CLASP1: variants seen among roughly 807,000 people sequenced by gnomAD.
The protein encoded by CLASP1 is cytoplasmic linker associated protein 1.
A neutral mutation model predicts 192.3 loss-of-function variants in CLASP1; 38 were observed. That is an observed-to-expected ratio of 0.20 (90% confidence interval 0.15 to 0.26). The LOEUF (loss-of-function observed/expected upper bound fraction) is 0.26, where lower values mean the gene tolerates loss of function less well. Among genes scored for constraint, CLASP1 ranks in the 10% least tolerant of loss-of-function variants. The pLI, the probability that CLASP1 is intolerant of heterozygous loss-of-function variation, is 1.00. For synonymous variants in CLASP1, 691 were observed against 712.8 expected, an observed-to-expected ratio of 0.97 and a Z score of 0.49; for missense variants, 1,433 against 1,932.5, an observed-to-expected ratio of 0.74 and a Z score of 4.85.
intron 30 of CLASP1, among the ~76,000 whole-genome samples, chr2:121,391,146 T>C (rs1190372963): frequency 6.6e-6 from 1 of 152,216 alleles, no homozygotes; most frequent in Non-Finnish European, 1.5e-5. Flanking sequence ...TTTACATTTC[T>C]CAAAAGCTTC....
At chr2:121,568,387 A>G (rs990111898) in intron 2 of CLASP1, among the ~76,000 whole-genome samples, 2 of 152,048 alleles carry the variant, frequency 1.3e-5, no homozygotes, top group African/African-American at 4.8e-5. Context: ...GTCTAATCAG[A>G]TAACAAATGA....
At chr2:121,649,150 G>A (rs1291701937) in intron 1 of CLASP1, among the ~76,000 whole-genome samples, 1 of 152,242 alleles carries the variant, frequency 6.6e-6, no homozygotes, top group Admixed American at 6.5e-5. Flanking sequence ...CTGCAAAGCA[G>A]CCTGGGCTCA....
At chr2:121,345,971 T>C (rs975462394) in intron 39 of CLASP1, among the ~76,000 whole-genome samples, 1 of 152,148 alleles carries the variant, frequency 6.6e-6, no homozygotes, top group Non-Finnish European at 1.5e-5. Context: ...AGAGCCAAGG[T>C]AGAGAAACTC....
At chr2:121,437,932 G>A (rs1404843353) in intron 19 of CLASP1, among the ~76,000 whole-genome samples, 3 of 152,120 alleles carry the variant, frequency 2.0e-5, no homozygotes, top group East Asian at 1.9e-4. Flanking sequence ...TCAACTGGGA[G>A]GATTATTCTG....
At chr2:121,342,366 C>T (rs1423101011) in intron 39 of CLASP1, among the ~76,000 whole-genome samples, 1 of 152,162 alleles carries the variant, frequency 6.6e-6, no homozygotes, top group Non-Finnish European at 1.5e-5. Flanking sequence ...AATCCTCCTG[C>T]CTCGGCCTCC....
intron 1 of CLASP1, among the ~76,000 whole-genome samples, chr2:121,633,028 A>ATATATATGTATATATATATATATG (rs71398039): frequency 7.3e-6 from 1 of 137,544 alleles, no homozygotes; most frequent in Admixed American, 7.2e-5. Flanking sequence ...ATATATATAT[A>ATATATATGTATATATATATATATG]GGCTTTTTTT....
chr2:121,382,618 A>G (rs2071996423), intron 32 of CLASP1, among the ~76,000 whole-genome samples: 1 of 152,182 alleles, frequency 6.6e-6, no homozygotes. Context: ...CTGTGTGTAT[A>G]TGTCAGTATG....
rs375950633 is a variant in CLASP1 at position 121,517,778 on chromosome 2, T to C, written c.547-2016A>G. 1.6e-4 allele frequency among the ~76,000 whole-genome samples: 23 copies of C among 140,932 alleles called. 2 individuals carry two copies. In the South Asian group the frequency reaches 5.1e-3, roughly 31 times the overall value. The allele number at this position is 140,932 out of a possible 152,430, so 92.5% of individuals were successfully genotyped here. On this transcript the variant is annotated intron_variant, in intron 6 of 39. Coordinates refer to ENST00000263710, the Ensembl canonical transcript of CLASP1. ...GGGGGGCCTGAGGTAAGAGGATTAC[T>C]CAAGCTCAGGAGTTGGAGGCTGCAG...
chr2:121,566,038 C>G (rs1007680874), intron 2 of CLASP1, among the ~76,000 whole-genome samples: 6 of 152,218 alleles, frequency 3.9e-5, no homozygotes, highest in Non-Finnish European at 2.9e-5. Context: ...CTGAGACTGA[C>G]AGCTGTGAGT....
chr2:121,384,732 T>C (rs2072794586), intron 32 of CLASP1, among the ~76,000 whole-genome samples: 1 of 152,016 alleles, frequency 6.6e-6, no homozygotes, highest in Admixed American at 6.5e-5. Context: ...AATACAAAAA[T>C]TAGCTGGGCG....
At chr2:121,380,517 G>T (rs2071387494) in intron 33 of CLASP1, among the ~76,000 whole-genome samples, 1 of 102,230 alleles carries the variant, frequency 9.8e-6, no homozygotes, top group Admixed American at 9.0e-5. Context: ...GCTGAAAGCA[G>T]CCCTGGGCTT....
At chr2:121,478,983 C>A (rs1383009970) in intron 8 of CLASP1, among the ~76,000 whole-genome samples, 1 of 40,778 alleles carries the variant, frequency 2.5e-5, no homozygotes, top group African/African-American at 1.5e-4. Flanking sequence ...CACACACACA[C>A]CACACACCCC....
intron 2 of CLASP1, among the ~76,000 whole-genome samples, chr2:121,584,584 T>C (rs914096909): frequency 6.6e-6 from 1 of 151,732 alleles, no homozygotes; most frequent in Admixed American, 6.6e-5. Flanking sequence ...ATTTCCAGAA[T>C]AGATTTAAAA....
At chr2:121,528,650 AC>A in intron 4 of CLASP1, 26 bp downstream of exon 4, 1 of 1,597,848 alleles carries the variant, frequency 6.3e-7, no homozygotes. Context: ...TGGCCAGCTG[AC>A]CTCAAAACAC....
chr2:121,526,150 C>T (rs1403350236), intron 5 of CLASP1, among the ~76,000 whole-genome samples: 1 of 152,216 alleles, frequency 6.6e-6, no homozygotes, highest in Non-Finnish European at 1.5e-5. Flanking sequence ...CGTCCTGTCC[C>T]CCAGGGCTCT....
At chr2:121,522,780 T>C (rs1429848833) in intron 6 of CLASP1, among the ~76,000 whole-genome samples, 3 of 152,210 alleles carry the variant, frequency 2.0e-5, no homozygotes, top group African/African-American at 4.8e-5. Flanking sequence ...AGTATGGCTA[T>C]GTCAATATCA....
intron 2 of CLASP1, among the ~76,000 whole-genome samples, chr2:121,549,504 A>T (rs968714073): frequency 6.6e-6 from 1 of 152,092 alleles, no homozygotes; most frequent in Non-Finnish European, 1.5e-5. Flanking sequence ...AGATGTCAAC[A>T]CTCTACTGAC....
At chr2:121,358,028 C>T (rs906613253) in intron 37 of CLASP1, among the ~76,000 whole-genome samples, 1 of 152,184 alleles carries the variant, frequency 6.6e-6, no homozygotes, top group Non-Finnish European at 1.5e-5. Flanking sequence ...TCAACTAAAC[C>T]GTAAGGACCT....
At chr2:121,530,172 T>C (rs1049184490) in intron 3 of CLASP1, 75 bp downstream of exon 3, 2 of 1,333,254 alleles carry the variant, frequency 1.5e-6, no homozygotes, top group Admixed American at 2.1e-5. Flanking sequence ...CCGGGAGGGT[T>C]TGGGAGCCGG....
Sources: gnomAD v4.1 joint callset for allele counts (sites outside exome capture counted in the v4.1 genomes callset) on GRCh38, gnomAD v4.1.1 for gene constraint, MANE v1.5 for transcripts, NCBI Gene and HGNC (gene_info 2026-07-23, HGNC 2026-07-21) for gene names.